The following ARHGAP44 variants were observed in gnomAD, a reference collection of about 807,000 sequenced individuals.
The protein encoded by ARHGAP44 is rho GTPase-activating protein 44.
In ARHGAP44, 43 loss-of-function variants were observed where a neutral mutation model predicts 106.8. The ratio of observed to expected loss-of-function variants is 0.40; its 90% CI spans 0.32 to 0.52. The LOEUF (loss-of-function observed/expected upper bound fraction) is 0.52. ARHGAP44 is among the 20% of genes least tolerant of loss of function. ARHGAP44 has a pLI of 0.48. For synonymous variants in ARHGAP44, 439 were observed against 410.3 expected (o/e 1.07, Z -0.85); for missense variants, 866 against 1,050.5 (o/e 0.82, Z 2.43).
chr17:12,907,265 G>A (rs577781955), intron 3 of ARHGAP44, among the ~76,000 whole-genome samples: 1 of 152,302 alleles, frequency 6.6e-6, no homozygotes, highest in Non-Finnish European at 1.5e-5. Flanking sequence ...TCTTAGTTCA[G>A]AAAGGAGAGA....
intron 1 of ARHGAP44, among the ~76,000 whole-genome samples, chr17:12,875,772 C>T (rs954754746): frequency 5.3e-5 from 8 of 151,860 alleles, no homozygotes; most frequent in Non-Finnish European, 1.0e-4. Context: ...GGTGAAACCC[C>T]GTCTCTACTA....
At chr17:12,946,238 C>T (rs543675801) in intron 10 of ARHGAP44, among the ~76,000 whole-genome samples, 5 of 152,308 alleles carry the variant, frequency 3.3e-5, no homozygotes, top group Admixed American at 3.3e-4. Context: ...GTTTCTGCCT[C>T]CATTTCCTGC....
At chr17:12,858,207 C>A (rs2035968643) in intron 1 of ARHGAP44, among the ~76,000 whole-genome samples, 1 of 152,184 alleles carries the variant, frequency 6.6e-6, no homozygotes, top group African/African-American at 2.4e-5. Flanking sequence ...TCTGAAGACA[C>A]CCAGGTCAGC....
intron 12 of ARHGAP44, among the ~76,000 whole-genome samples, chr17:12,951,907 A>G (rs1293724837): frequency 6.6e-6 from 1 of 152,164 alleles, no homozygotes. Flanking sequence ...TTGATAACCT[A>G]TGAACCTCTG....
At chr17:12,968,355 AG>A (rs2039441875) in intron 16 of ARHGAP44, among the ~76,000 whole-genome samples, 2 of 152,218 alleles carry the variant, frequency 1.3e-5, no homozygotes, top group African/African-American at 4.8e-5. Context: ...TGACGGTTGC[AG>A]GAGGCTCCCC....
At position 12,948,751 on chromosome 17, in the gene ARHGAP44, C is replaced by CACACACACACACACACACACACACA. The variant is rs200024961; in HGVS notation, c.862-389_862-388insACACACACACACACACACACACACA. On this transcript the variant is annotated intron_variant, in intron 10 of 20. Coordinates refer to ENST00000379672, the MANE Select transcript of ARHGAP44 (RefSeq NM_014859.6). ...ACACACACACACACACACACACACA[C>CACACACACACACACACACACACACA]CCCCTGTAGACCTCCTCACATTCAA... 5.8e-4 allele frequency among the ~76,000 whole-genome samples: 85 copies of CACACACACACACACACACACACACA among 147,774 alleles called. 7 individuals carry two copies. The highest frequency in any genetic ancestry group is 1.7e-3 in the South Asian group (8 of 4,706).
intron 1 of ARHGAP44, among the ~76,000 whole-genome samples, chr17:12,876,821 G>A (rs2036569386): frequency 6.7e-6 from 1 of 149,364 alleles, no homozygotes. Context: ...TGAGGCAAGA[G>A]AATCACTTGA....
chr17:12,962,080 A>AATAT lies in ARHGAP44; in HGVS notation c.1523+3194_1523+3197dup, dbSNP rs201834415. Among the ~76,000 whole-genome samples the AATAT allele has an allele frequency of 4.6e-3, 694 of 150,496 alleles. 28 individuals are homozygous for AATAT. The East Asian group carries it at 0.093, about 20-fold the overall frequency. On this transcript the variant is annotated intron_variant, in intron 16 of 20. Transcript: ENST00000379672. ...AAGGTTTTTGGCCAAGTTAAAAAAA[A>AATAT]ATATATATATATATGAATTATATAT...
intron 1 of ARHGAP44, among the ~76,000 whole-genome samples, chr17:12,818,335 GA>G (rs376432420): frequency 2.6e-3 from 236 of 91,686 alleles, no homozygotes; most frequent in Middle Eastern, 7.7e-3. Flanking sequence ...ATCTGGAAAA[GA>G]AAAAAAAAAA....
At chr17:12,956,853 TG>T in intron 15 of ARHGAP44, 107 bp downstream of exon 15, 2 of 818,896 alleles carry the variant, frequency 2.4e-6, no homozygotes, top group East Asian at 2.7e-5. Context: ...CTTTTTTTTT[TG>T]ATTCCCCTAT....
At chr17:12,849,292 C>T (rs1308409417) in intron 1 of ARHGAP44, among the ~76,000 whole-genome samples, 7 of 151,876 alleles carry the variant, frequency 4.6e-5, no homozygotes, top group South Asian at 2.1e-4. Context: ...CTATGAAAAG[C>T]GCTGGGTGAA....
chr17:12,982,775 A>G (rs906180442), intron 19 of ARHGAP44: 2 of 152,190 alleles, frequency 1.3e-5, no homozygotes, highest in Admixed American at 6.5e-5. Flanking sequence ...GTGGCAGGAT[A>G]GAAATTTGAG....
intron 1 of ARHGAP44, among the ~76,000 whole-genome samples, chr17:12,814,988 C>T (rs2034555662): frequency 6.6e-6 from 1 of 152,186 alleles, no homozygotes; most frequent in Admixed American, 6.5e-5. Flanking sequence ...ACTCTCCTCA[C>T]CTTCTCCCAC....
chr17:12,948,750 A>ACACACACACACACACACACACACAC (rs962093786), intron 10 of ARHGAP44, among the ~76,000 whole-genome samples: 5 of 150,880 alleles, frequency 3.3e-5, no homozygotes, highest in Non-Finnish European at 7.4e-5. Context: ...ACACACACAC[A>ACACACACACACACACACACACACAC]CCCCCTGTAG....
intron 1 of ARHGAP44, among the ~76,000 whole-genome samples, chr17:12,859,744 G>C (rs1021545150): frequency 2.6e-5 from 4 of 152,166 alleles, no homozygotes; most frequent in African/African-American, 4.8e-5. Context: ...TATTACATTC[G>C]CAGTCGCCAA....
chr17:12,827,505 A>C (rs1488285870), intron 1 of ARHGAP44, among the ~76,000 whole-genome samples: 1 of 152,206 alleles, frequency 6.6e-6, no homozygotes, highest in Non-Finnish European at 1.5e-5. Flanking sequence ...AGTAGTATTT[A>C]TTTCCAGTAA....
At chr17:12,906,224 A>C in intron 3 of ARHGAP44, among the ~76,000 whole-genome samples, 1 of 152,182 alleles carries the variant, frequency 6.6e-6, no homozygotes, top group East Asian at 1.9e-4. Context: ...GTTTGTCTAC[A>C]CTTACATAAC....
Position 12,958,760 on chromosome 17 carries a change from C to T in ARHGAP44, c.1386C>T (p.His462=), listed in dbSNP as rs765822416. 7.4e-6 allele frequency: 12 copies of T among 1,613,808 alleles called. No homozygotes were observed. The East Asian group carries it at 1.3e-4, about 18-fold the overall frequency. The part of the protein sequence containing the change: ...NITGNYGSPV[H]VNHNANYSSM... ...CTGGCAATTATGGGAGTCCAGTACA[C>T]GTGAACCATAATGCCAACTACAGCT... is the stretch of plus-strand genomic sequence containing the variant. The change falls in exon 16 of 21, where the codon CAC becomes CAT. Residue 462 remains histidine (H), a synonymous_variant. Transcript: ENST00000379672. This position sits in a 1 kb window ranked among gnomAD's most constrained non-coding sequence, Gnocchi z 4.1.
At chr17:12,916,779 A>C (rs1184938870) in intron 5 of ARHGAP44, among the ~76,000 whole-genome samples, 1 of 152,162 alleles carries the variant, frequency 6.6e-6, no homozygotes, top group African/African-American at 2.4e-5. Context: ...CCTATGTGAA[A>C]ACTTTGCTAG....
Sources: allele counts gnomAD v4.1 joint callset (sites outside exome capture counted in the v4.1 genomes callset), GRCh38; gene constraint gnomAD v4.1.1; non-coding constraint Gnocchi (gnomAD v3.1); transcripts MANE v1.5; gene names NCBI Gene and HGNC (gene_info 2026-07-23, HGNC 2026-07-21).